Variants in GABRA5 observed in about 807,000 individuals in gnomAD.
GABRA5 encodes gamma-aminobutyric acid type A receptor subunit alpha5, also known as gamma-aminobutyric acid receptor subunit alpha-5.
GABRA5 carries 18 observed loss-of-function variants against 47.3 expected under a neutral mutation model. That is an observed-to-expected ratio of 0.38 (90% confidence interval 0.26 to 0.56). The LOEUF (loss-of-function observed/expected upper bound fraction) is 0.56, where lower values mean the gene tolerates loss of function less well. Ranked by LOEUF, GABRA5 falls within the 20% of genes least tolerant of loss-of-function variation. The probability of loss-of-function intolerance (pLI) is 0.71; values close to 1 mark genes in which losing one functional copy is unlikely to be tolerated. For missense variants in GABRA5, 365 were observed against 599.3 expected (o/e 0.61, Z 4.08); for synonymous variants, 237 against 229.3 (o/e 1.03, Z -0.30).
chr15:26,935,200 C>T (rs190027319), intron 7 of GABRA5, among the ~76,000 whole-genome samples: 6 of 152,314 alleles, frequency 3.9e-5, no homozygotes, highest in East Asian at 1.9e-4. Flanking sequence ...GTCCAGCTGA[C>T]GCACTGCAAC....
intron 8 of GABRA5, 119 bp downstream of exon 8, chr15:26,937,447 C>A: frequency 1.9e-6 from 2 of 1,065,706 alleles, no homozygotes; most frequent in South Asian, 1.7e-5. Flanking sequence ...AGCAGCCTCC[C>A]ACACAACCTG....
chr15:26,912,635 C>T (rs1037046771), intron 6 of GABRA5, among the ~76,000 whole-genome samples: 2 of 152,106 alleles, frequency 1.3e-5, no homozygotes, highest in African/African-American at 2.4e-5. Context: ...GAAACACACA[C>T]GTACACATGG....
intron 8 of GABRA5, among the ~76,000 whole-genome samples, chr15:26,938,951 C>A (rs1308670250): frequency 6.6e-6 from 1 of 152,222 alleles, no homozygotes; most frequent in Non-Finnish European, 1.5e-5. Context: ...CTCTAATGTC[C>A]CAACACGCAG....
At chr15:26,875,738 C>T (rs1181007457) in intron 3 of GABRA5, among the ~76,000 whole-genome samples, 2 of 151,642 alleles carry the variant, frequency 1.3e-5, no homozygotes, top group African/African-American at 4.8e-5. Flanking sequence ...GGGTTGGGAT[C>T]ACATTCCGAA....
chr15:26,896,556 A>G (rs1337281983), intron 6 of GABRA5, among the ~76,000 whole-genome samples: 2 of 152,190 alleles, frequency 1.3e-5, no homozygotes, highest in Admixed American at 1.3e-4. Flanking sequence ...GACTTTCTCC[A>G]TCTTTTAATT....
intron 10 of GABRA5, among the ~76,000 whole-genome samples, chr15:26,946,879 G>A (rs1157288152): frequency 1.3e-5 from 2 of 152,100 alleles, no homozygotes; most frequent in Admixed American, 6.5e-5. Flanking sequence ...GGTGTCCATC[G>A]ATAGGATAGT....
chr15:26,928,303 C>T (rs551865586), intron 7 of GABRA5, among the ~76,000 whole-genome samples: 4 of 152,264 alleles, frequency 2.6e-5, no homozygotes, highest in East Asian at 1.9e-4. Flanking sequence ...TCAGGATGAG[C>T]GTGGATGATC....
In GABRA5 at chr15:26,938,402, C is replaced by T. The variant is rs1316588645; in HGVS notation, c.724+1074C>T. Among the ~76,000 whole-genome samples the T allele has an allele frequency of 3.3e-5, 5 of 152,340 alleles. No individual in the cohort carries two copies. The South Asian group carries it at 1.0e-3, about 32-fold the overall frequency. ...AGGATGCTCCAGTTTGGAGCTGTTT[C>T]ATGTAGTTCTTTAAATATTAATAAC... On this transcript the variant is annotated intron_variant, in intron 8 of 10. Transcript: ENST00000335625.
chr15:26,948,956 A>G lies in GABRA5; in HGVS notation c.*723A>G, dbSNP rs1179561407. On this transcript the variant is annotated 3_prime_UTR_variant, in exon 11 of 11. Transcript: ENST00000335625. ...CTACCTGAACAATAGCCAAGAAAGGAAAGGAGATGTTAAAACAAACAGTGT... is the reference window on the plus strand; with the variant it reads ...CTACCTGAACAATAGCCAAGAAAGGGAAGGAGATGTTAAAACAAACAGTGT... The G allele has an allele frequency of 1.3e-5, 2 of 152,206 alleles. No homozygotes were observed. The highest frequency in any genetic ancestry group is 2.4e-5 in the African/African-American group (1 of 41,444). The allele number at this position is 152,206 out of a possible 1,614,324, so 9.4% of individuals were successfully genotyped here. A position where few individuals can be genotyped will look rare whatever the true frequency, so the allele number is the denominator to read the frequency against.
intron 7 of GABRA5, among the ~76,000 whole-genome samples, chr15:26,931,730 C>A (rs533436243): frequency 2.4e-4 from 36 of 152,250 alleles, no homozygotes; most frequent in Admixed American, 5.2e-4. Flanking sequence ...ATGCTTTGAG[C>A]TGAATCTGGT....
intron 6 of GABRA5, among the ~76,000 whole-genome samples, chr15:26,909,222 C>T (rs1043529333): frequency 6.6e-6 from 1 of 152,170 alleles, no homozygotes; most frequent in Non-Finnish European, 1.5e-5. Context: ...CTTGCTTCCA[C>T]TTCCGCCATC....
chr15:26,919,115 C>T (rs184739261), intron 7 of GABRA5, among the ~76,000 whole-genome samples: 2 of 151,854 alleles, frequency 1.3e-5, no homozygotes, highest in South Asian at 2.1e-4. Flanking sequence ...TGCACTCCAG[C>T]CTAGGCAATA....
intron 6 of GABRA5, among the ~76,000 whole-genome samples, chr15:26,903,508 C>G (rs1893372968): frequency 6.6e-6 from 1 of 152,084 alleles, no homozygotes; most frequent in Non-Finnish European, 1.5e-5. Context: ...ATTTCTGCCT[C>G]TAGGTCTTTG....
intron 3 of GABRA5, among the ~76,000 whole-genome samples, chr15:26,874,575 C>T (rs1892547975): frequency 6.6e-6 from 1 of 152,088 alleles, no homozygotes; most frequent in African/African-American, 2.4e-5. Context: ...AAAGAATATC[C>T]TAATCTAGAA....
At position 26,892,972 on chromosome 15, in the gene GABRA5, TG is replaced by T. The variant is rs949332363; in HGVS notation, c.497+9421del. On this transcript the variant is annotated intron_variant, in intron 6 of 10. Coordinates refer to ENST00000335625, the MANE Select transcript of GABRA5 (RefSeq NM_000810.4). The stretch of plus-strand genomic sequence containing the variant: ...GTGTGTGTATGGTGTGTGGTGCGCG[TG>T]GGGGGTGTATAGAGTGTGGCGTGTG... Among the ~76,000 whole-genome samples, 74 of 149,620 alleles carry T rather than the reference TG, an allele frequency of 4.9e-4. 1 individual carries two copies. The highest frequency in any genetic ancestry group is 1.7e-3 in the African/African-American group (69 of 40,588).
intron 7 of GABRA5, among the ~76,000 whole-genome samples, chr15:26,929,031 T>A (rs1211669026): frequency 6.7e-6 from 1 of 150,282 alleles, no homozygotes; most frequent in Non-Finnish European, 1.5e-5. Context: ...ATATGAATTT[T>A]GGGGGGGACA....
At chr15:26,936,716 G>A (rs531703470) in intron 7 of GABRA5, among the ~76,000 whole-genome samples, 5 of 152,294 alleles carry the variant, frequency 3.3e-5, no homozygotes, top group African/African-American at 1.2e-4. Flanking sequence ...TAGGGAATGC[G>A]GCCGGGCGCT....
At chr15:26,938,179 A>G (rs1894292945) in intron 8 of GABRA5, among the ~76,000 whole-genome samples, 1 of 152,200 alleles carries the variant, frequency 6.6e-6, no homozygotes, top group African/African-American at 2.4e-5. Flanking sequence ...TTCTGCATGC[A>G]CACACACGCA....
At chr15:26,901,968 G>A (rs1052718484) in intron 6 of GABRA5, among the ~76,000 whole-genome samples, 1 of 151,922 alleles carries the variant, frequency 6.6e-6, no homozygotes, top group African/African-American at 2.4e-5. Context: ...GTATTTTTGG[G>A]TGGCTATTTC....
Sources: allele counts gnomAD v4.1 joint callset (sites outside exome capture counted in the v4.1 genomes callset), GRCh38; gene constraint gnomAD v4.1.1; transcripts MANE v1.5; gene names NCBI Gene and HGNC (gene_info 2026-07-23, HGNC 2026-07-21).